The following MAP2K5 variants were observed in gnomAD, a reference collection of about 807,000 sequenced individuals.
The protein encoded by MAP2K5 is dual specificity mitogen-activated protein kinase kinase 5.
In MAP2K5, 49 loss-of-function variants were observed where a neutral mutation model predicts 83.1. The observed-to-expected ratio is 0.59, with a 90% CI of 0.47 to 0.75. The LOEUF is 0.75. Ranked by LOEUF, MAP2K5 falls within the 30% of genes least tolerant of loss-of-function variation. The probability of loss-of-function intolerance (pLI) is 0.00; values close to 1 mark genes in which losing one functional copy is unlikely to be tolerated. For synonymous variants in MAP2K5, 202 were observed against 191.8 expected (o/e 1.05, Z -0.44); for missense variants, 457 against 557.5 (o/e 0.82, Z 1.82).
intron 11 of MAP2K5, among the ~76,000 whole-genome samples, chr15:67,648,577 CTT>C (rs56211889): frequency 1.6e-3 from 224 of 141,042 alleles, no homozygotes; most frequent in Admixed American, 3.7e-3. Flanking sequence ...GTTTTCAGTT[CTT>C]TTTTTTTTTT....
intron 19 of MAP2K5, among the ~76,000 whole-genome samples, chr15:67,765,385 A>G (rs1279582868): frequency 6.6e-6 from 1 of 152,144 alleles, no homozygotes; most frequent in Non-Finnish European, 1.5e-5. Flanking sequence ...AGTATAGTAC[A>G]ATATCTATAC....
Position 67,614,150 on chromosome 15 carries a change from C to T in MAP2K5, c.545+13401C>T, listed in dbSNP as rs557713820. Among the ~76,000 whole-genome samples, 4 of 152,296 alleles carry T rather than the reference C, an allele frequency of 2.6e-5. No homozygotes were observed. In the South Asian group the frequency reaches 8.3e-4, roughly 32 times the overall value. On this transcript the variant is annotated intron_variant, in intron 8 of 21. Coordinates refer to ENST00000178640, the MANE Select transcript of MAP2K5 (RefSeq NM_145160.3). ...TCAGAGGACCCAGATCTACTTCCCA[C>T]TCCAGTACTTACAGATAGGAATCGT...
intron 12 of MAP2K5, 76 bp from the exon 13 acceptor site, chr15:67,664,521 A>T (rs564263640): frequency 3.2e-6 from 3 of 929,076 alleles, no homozygotes; most frequent in Non-Finnish European, 5.1e-6. Context: ...AAAAATGTTG[A>T]ATGTATTTAA....
At chr15:67,712,947 T>C (rs2141228385) in intron 16 of MAP2K5, among the ~76,000 whole-genome samples, 1 of 148,962 alleles carries the variant, frequency 6.7e-6, no homozygotes, top group Non-Finnish European at 1.5e-5. Flanking sequence ...ATGAAGTTCA[T>C]GACAACTTCT....
intron 17 of MAP2K5, among the ~76,000 whole-genome samples, chr15:67,742,838 A>G (rs1210906572): frequency 6.6e-6 from 1 of 152,382 alleles, no homozygotes; most frequent in East Asian, 1.9e-4. Flanking sequence ...GGTGTGGGAC[A>G]TGAGCTATGT....
intron 14 of MAP2K5, among the ~76,000 whole-genome samples, 180 bp downstream of exon 14, chr15:67,692,732 A>G (rs538151691): frequency 1.3e-5 from 2 of 152,310 alleles, no homozygotes; most frequent in Non-Finnish European, 2.9e-5. Flanking sequence ...TCATCAGAAT[A>G]TGATTGTTCA....
chr15:67,561,469 C>T lies in MAP2K5; in HGVS notation c.185-1814C>T, dbSNP rs1261388213. Among the ~76,000 whole-genome samples, 1 of 152,160 alleles carries T rather than the reference C, an allele frequency of 6.6e-6. No individual in the cohort carries two copies. The highest frequency in any genetic ancestry group is 2.4e-5 in the African/African-American group (1 of 41,420). ...ACATCTCTCAGGACTGTGCCTTCTTCATTACTGCAAGTGACCAGTGTATGC... is the reference window on the plus strand; with the variant it reads ...ACATCTCTCAGGACTGTGCCTTCTTTATTACTGCAAGTGACCAGTGTATGC... On this transcript the variant is annotated intron_variant, in intron 2 of 21. Transcript: ENST00000178640. The surrounding 1 kb of genome is among the most constrained non-coding windows in gnomAD (Gnocchi z 4.2).
chr15:67,711,386 C>T (rs1245704293), intron 16 of MAP2K5, among the ~76,000 whole-genome samples: 2 of 152,220 alleles, frequency 1.3e-5, no homozygotes, highest in East Asian at 3.8e-4. Flanking sequence ...AATTCCACTT[C>T]AGCCAGCCTA....
chr15:67,618,349 C>T (rs1167245313), intron 8 of MAP2K5, among the ~76,000 whole-genome samples: 1 of 152,146 alleles, frequency 6.6e-6, no homozygotes, highest in Admixed American at 6.5e-5. Context: ...CTGTTTTCTT[C>T]TCATCTTTCT....
rs910583012 is a variant in MAP2K5, at chr15:67,781,154, G to C, written c.1242+8402G>C. On this transcript the variant is annotated intron_variant, in intron 21 of 21. Coordinates refer to ENST00000178640, the MANE Select transcript of MAP2K5 (RefSeq NM_145160.3). The surrounding 1 kb of genome is among the most constrained non-coding windows in gnomAD (Gnocchi z 4.0). ...AGCCGTTTGTGGGAGAAATATAAAA[G>C]GATCCTAAAGCTAGTCCCTGGGATT... Among the ~76,000 whole-genome samples, 3 of 152,196 alleles carry C rather than the reference G, an allele frequency of 2.0e-5. No homozygotes were observed. The highest frequency in any genetic ancestry group is 6.5e-5 in the Admixed American group (1 of 15,284).
intron 17 of MAP2K5, among the ~76,000 whole-genome samples, chr15:67,733,509 GA>G (rs1050457445): frequency 2.7e-5 from 4 of 150,680 alleles, no homozygotes; most frequent in East Asian, 1.9e-4. Context: ...CTTTTATTGG[GA>G]AAAAAAAATA....
intron 21 of MAP2K5, among the ~76,000 whole-genome samples, chr15:67,804,512 G>A (rs1453113040): frequency 1.3e-5 from 2 of 152,250 alleles, no homozygotes; most frequent in Non-Finnish European, 2.9e-5. Flanking sequence ...CAGCTGAGCA[G>A]CCCTCTCCCC....
rs187139972 is a variant in MAP2K5, at chr15:67,708,404, C to T, written c.1044+4996C>T. On this transcript the variant is annotated intron_variant, in intron 16 of 21. Coordinates refer to ENST00000178640, the MANE Select transcript of MAP2K5 (RefSeq NM_145160.3). This position sits in a 1 kb window ranked among gnomAD's most constrained non-coding sequence, Gnocchi z 4.9. ...TACATCTCCCTAGCACCCTTTCCTC[C>T]AGTTCCATAAACTGTCATCTCTGAG... 2.0e-5 allele frequency among the ~76,000 whole-genome samples: 3 copies of T among 152,168 alleles called. No homozygotes were observed. Among genetic ancestry groups the T allele is most frequent in the Admixed American group, 2.0e-4 (3 of 15,282 alleles).
intron 12 of MAP2K5, among the ~76,000 whole-genome samples, chr15:67,662,376 C>A (rs527885785): frequency 6.6e-6 from 1 of 152,242 alleles, no homozygotes; most frequent in African/African-American, 2.4e-5. Flanking sequence ...GTAAACGACT[C>A]ATTTACTTCT....
intron 6 of MAP2K5, among the ~76,000 whole-genome samples, chr15:67,592,134 A>AAAAAAAAAAAAAT: frequency 6.6e-6 from 1 of 151,424 alleles, no homozygotes; most frequent in African/African-American, 2.4e-5. Context: ...AAAAAAAAAA[A>AAAAAAAAAAAAAT]AGGACTTTCA....
At chr15:67,771,006 A>T (rs774059687) in intron 20 of MAP2K5, among the ~76,000 whole-genome samples, 1 of 152,204 alleles carries the variant, frequency 6.6e-6, no homozygotes, top group Non-Finnish European at 1.5e-5. Flanking sequence ...GGAAAAAAGC[A>T]TACATGTTGA....
chr15:67,562,407 G>A lies in MAP2K5; in HGVS notation c.185-876G>A, dbSNP rs1216355477. Among the ~76,000 whole-genome samples, 1 of 152,136 alleles carries A rather than the reference G, an allele frequency of 6.6e-6. No individual in the cohort carries two copies. The highest frequency in any genetic ancestry group is 2.4e-5 in the African/African-American group (1 of 41,430). ...CATAGTCTATCTTCAGGTTTTTAAAGCAGTTTTGAAGAGATATTTCAAAAA... is the reference window on the plus strand; with the variant it reads ...CATAGTCTATCTTCAGGTTTTTAAAACAGTTTTGAAGAGATATTTCAAAAA... On this transcript the variant is annotated intron_variant, in intron 2 of 21. Transcript: ENST00000178640. The surrounding 1 kb of genome is among the most constrained non-coding windows in gnomAD (Gnocchi z 4.1).
intron 8 of MAP2K5, among the ~76,000 whole-genome samples, chr15:67,618,067 C>T (rs547612559): frequency 3.3e-5 from 5 of 152,268 alleles, no homozygotes; most frequent in African/African-American, 7.2e-5. Context: ...TTAATAAATT[C>T]GCATTAACAG....
At chr15:67,659,892 C>T (rs1289725698) in intron 12 of MAP2K5, among the ~76,000 whole-genome samples, 2 of 152,128 alleles carry the variant, frequency 1.3e-5, no homozygotes, top group South Asian at 2.1e-4. Context: ...CACAAGGCCA[C>T]CTATCTTTTC....
Sources: allele counts gnomAD v4.1 joint callset (sites outside exome capture counted in the v4.1 genomes callset), GRCh38; gene constraint gnomAD v4.1.1; non-coding constraint Gnocchi (gnomAD v3.1); transcripts MANE v1.5; gene names NCBI Gene and HGNC (gene_info 2026-07-23, HGNC 2026-07-21).